NAALADL2: variants seen among roughly 807,000 people sequenced by gnomAD.
The protein encoded by NAALADL2 is N-acetylated alpha-linked acidic dipeptidase like 2, also known as inactive N-acetylated-alpha-linked acidic dipeptidase-like protein 2.
In NAALADL2, 76 loss-of-function variants were observed where a neutral mutation model predicts 87.2. The ratio of observed to expected loss-of-function variants is 0.87; its 90% confidence interval spans 0.72 to 1.05. NAALADL2 has a LOEUF of 1.05. Ranked by LOEUF, NAALADL2 falls within the 50% of genes least tolerant of loss-of-function variation. The pLI is 0.00. For synonymous variants in NAALADL2, 354 were observed against 331.0 expected (o/e 1.07, Z -0.75); for missense variants, 1,089 against 945.8 (o/e 1.15, Z -1.99).
Position 174,554,313 on chromosome 3 carries a change from T to G in NAALADL2, c.-115+3676T>G. 2.0e-5 allele frequency among the ~76,000 whole-genome samples: 3 copies of G among 152,274 alleles called. No homozygotes were observed. In the Middle Eastern group the frequency reaches 0.01, roughly 518 times the overall value. ...AATAGATCATGAATATTTTTCAATA[T>G]TATTAAATATTCATTTATAACAGTT... On this transcript the variant is annotated intron_variant, in intron 2 of 3. Transcript: ENST00000434257.
intron 1 of NAALADL2, among the ~76,000 whole-genome samples, chr3:175,056,489 C>A (rs1712205774): frequency 1.3e-5 from 2 of 152,050 alleles, no homozygotes; most frequent in Admixed American, 1.3e-4. Flanking sequence ...GATTCGAGCC[C>A]CCACGTATGG....
intron 4 of NAALADL2, among the ~76,000 whole-genome samples, chr3:175,262,348 T>C (rs1158445052): frequency 2.6e-5 from 4 of 152,082 alleles, no homozygotes; most frequent in Admixed American, 6.6e-5. Context: ...TCAATCCAAA[T>C]GATAAATGCA....
At chr3:175,618,495 T>A (rs760587183) in intron 10 of NAALADL2, among the ~76,000 whole-genome samples, 1 of 152,140 alleles carries the variant, frequency 6.6e-6, no homozygotes, top group South Asian at 2.1e-4. Context: ...CAAACCCTTA[T>A]GCAAAGGAAT....
intron 1 of NAALADL2, among the ~76,000 whole-genome samples, chr3:175,013,166 TG>T (rs1750254353): frequency 9.0e-6 from 1 of 111,678 alleles, no homozygotes; most frequent in African/African-American, 3.1e-5. Flanking sequence ...TATATAAATA[TG>T]TAATACATAT....
rs555959877 is a variant in NAALADL2, at chr3:175,736,006, T to C, written c.1897-1300T>C. On this transcript the variant is annotated intron_variant, in intron 11 of 13. Transcript: ENST00000454872. Reference sequence around the variant, plus strand: ...ATAATAACACAGTCGCATTTCCCTGTGTGCTGCCTTCAGGGTTATAAGATA... The same window carrying C: ...ATAATAACACAGTCGCATTTCCCTGCGTGCTGCCTTCAGGGTTATAAGATA... Among the ~76,000 whole-genome samples, 7 of 152,222 alleles carry C rather than the reference T, an allele frequency of 4.6e-5. No individual in the cohort carries two copies. In the South Asian group the frequency reaches 1.5e-3, roughly 32 times the overall value.
intron 4 of NAALADL2, among the ~76,000 whole-genome samples, chr3:175,276,335 C>T (rs1372777542): frequency 6.9e-6 from 1 of 145,104 alleles, no homozygotes; most frequent in South Asian, 2.2e-4. Context: ...AAGCCTCGCT[C>T]TGCTGCTAGA....
intron 2 of NAALADL2, among the ~76,000 whole-genome samples, chr3:175,226,921 T>G (rs1744237531): frequency 6.6e-6 from 1 of 152,134 alleles, no homozygotes; most frequent in Admixed American, 6.6e-5. Flanking sequence ...TCTTTAAATT[T>G]ATCACACATA....
chr3:174,775,103 G>GTA (rs901875535), intron 3 of NAALADL2, among the ~76,000 whole-genome samples: 4 of 151,972 alleles, frequency 2.6e-5, no homozygotes, highest in African/African-American at 4.8e-5. Context: ...TGCTTTACTA[G>GTA]TATATATATA....
At chr3:175,117,718 A>G (rs926769965) in intron 2 of NAALADL2, among the ~76,000 whole-genome samples, 1 of 152,014 alleles carries the variant, frequency 6.6e-6, no homozygotes, top group East Asian at 1.9e-4. Context: ...CAATTCCTCA[A>G]GGATCTAGAA....
intron 9 of NAALADL2, among the ~76,000 whole-genome samples, chr3:175,532,396 A>T (rs533610754): frequency 9.2e-5 from 14 of 152,200 alleles, no homozygotes; most frequent in Non-Finnish European, 1.3e-4. Context: ...AGTGTAGTGC[A>T]GTCCTTCCTC....
intron 3 of NAALADL2, among the ~76,000 whole-genome samples, chr3:174,738,338 G>C (rs1274075209): frequency 6.6e-6 from 1 of 152,190 alleles, no homozygotes; most frequent in Non-Finnish European, 1.5e-5. Context: ...TGAGACATTT[G>C]AGCAGAGCCA....
intron 11 of NAALADL2, among the ~76,000 whole-genome samples, chr3:175,657,874 C>G (rs1731711614): frequency 6.6e-6 from 1 of 151,946 alleles, no homozygotes; most frequent in Non-Finnish European, 1.5e-5. Flanking sequence ...CCGTGCCTGG[C>G]CTCATTTTAC....
intron 2 of NAALADL2, among the ~76,000 whole-genome samples, chr3:174,734,039 A>C (rs1026991681): frequency 6.6e-6 from 1 of 152,212 alleles, no homozygotes; most frequent in Non-Finnish European, 1.5e-5. Context: ...AGAAAACCCC[A>C]AAACCTGTCT....
rs112647152 is a variant in NAALADL2 at position 175,768,343 on chromosome 3, C to A, written c.2189+12925C>A. On this transcript the variant is annotated intron_variant, in intron 13 of 13. Transcript: ENST00000454872. ...AAAGCCATCTCTCTCTCTCCGTGTA[C>A]TCCCAGGGCCTCTGTATACACTTTT... Among the ~76,000 whole-genome samples the A allele has an allele frequency of 2.0e-3, 312 of 152,250 alleles. 1 individual carries two copies. Among genetic ancestry groups the A allele is most frequent in the African/African-American group, 6.7e-3 (280 of 41,556 alleles).
intron 2 of NAALADL2, chr3:174,737,533 G>C (rs145012095): frequency 6.6e-6 from 1 of 152,164 alleles, no homozygotes. Flanking sequence ...AAAATGAACT[G>C]ATAAAGTTAT....
At chr3:175,079,577 T>G (rs1717333091) in intron 1 of NAALADL2, 2 of 152,194 alleles carry the variant, frequency 1.3e-5, no homozygotes, top group Admixed American at 1.3e-4. Flanking sequence ...GGCATCCAAA[T>G]TACTAACTAT....
chr3:175,134,442 C>G (rs1348538879), intron 2 of NAALADL2, among the ~76,000 whole-genome samples: 1 of 151,984 alleles, frequency 6.6e-6, no homozygotes, highest in African/African-American at 2.4e-5. Flanking sequence ...TGGGGGGGTC[C>G]TTTTTCATGA....
intron 4 of NAALADL2, among the ~76,000 whole-genome samples, chr3:175,305,297 C>A (rs1757573617): frequency 6.6e-6 from 1 of 151,022 alleles, no homozygotes; most frequent in Admixed American, 6.6e-5. Flanking sequence ...TATGTGTTCT[C>A]CAAGGAACGT....
At chr3:175,789,098 C>G (rs923756743) in intron 13 of NAALADL2, among the ~76,000 whole-genome samples, 1 of 152,144 alleles carries the variant, frequency 6.6e-6, no homozygotes, top group African/African-American at 2.4e-5. Context: ...GACCATAACT[C>G]TGAAACTGTT....
Sources: allele counts gnomAD v4.1 joint callset (sites outside exome capture counted in the v4.1 genomes callset), GRCh38; gene constraint gnomAD v4.1.1; transcripts MANE v1.5; gene names NCBI Gene and HGNC (gene_info 2026-07-23, HGNC 2026-07-21).